SKI: variants seen among roughly 807,000 people sequenced by gnomAD.
The protein encoded by SKI is ski oncogene.
SKI carries 23 observed loss-of-function variants against 59.3 expected under a neutral mutation model. The observed-to-expected ratio is 0.39, with a 90% confidence interval of 0.28 to 0.55. SKI has a LOEUF of 0.55. Among genes scored for constraint, SKI ranks in the 20% least tolerant of loss-of-function variants. SKI has a pLI of 0.67. For synonymous variants in SKI, 673 were observed against 488.6 expected, an observed-to-expected ratio of 1.38 and a Z score of -4.98; for missense variants, 1,017 against 1,038.9, an observed-to-expected ratio of 0.98 and a Z score of 0.29.
rs1396044228 is a variant in SKI at position 2,255,503 on chromosome 1, G to T, written c.969+25768G>T. The stretch of plus-strand genomic sequence containing the variant: ...ACACTGTGTCCTGACCTCATTTCCT[G>T]CCTGGAGCTCTCTGTGTCCTGACCT... On this transcript the variant is annotated intron_variant, in intron 1 of 6. Coordinates refer to ENST00000378536, the MANE Select transcript of SKI (RefSeq NM_003036.4). 2.6e-5 allele frequency among the ~76,000 whole-genome samples: 4 copies of T among 151,686 alleles called. No individual in the cohort carries two copies. In the East Asian group the frequency reaches 7.8e-4, roughly 29 times the overall value.
rs765718637 is a variant in SKI at position 2,229,970 on chromosome 1, G to A, written c.969+235G>A. Among the ~76,000 whole-genome samples, 87 of 152,174 alleles carry A rather than the reference G, an allele frequency of 5.7e-4. 2 individuals carry two copies. The highest frequency in any genetic ancestry group is 1.8e-4 in the Non-Finnish European group (12 of 68,024). On this transcript the variant is annotated intron_variant, in intron 1 of 6. Coordinates refer to ENST00000378536, the MANE Select transcript of SKI (RefSeq NM_003036.4). This position sits in a 1 kb window ranked among gnomAD's most constrained non-coding sequence, Gnocchi z 6.3. ...ACGAGCCTGGAGTGCGGGCTGTGGC[G>A]GTGGGGTGGGGGGCCAGGCCTGGTG...
In SKI at chr1:2,228,935, G is replaced by A; in HGVS notation, c.169G>A (p.Ala57Thr). Residue 57 changes from alanine to threonine, a missense_variant, in exon 1 of 7, where the codon GCG becomes ACG. By Grantham distance (58) the Ala-to-Thr change is moderately conservative. Transcript: ENST00000378536. ...YKKESAKEAG[A>T]AAVPAPVPAA... ...GAAGGAGAGCGCCAAGGAGGCGGGC[G>A]CGGCCGCGGTGCCGGCGCCGGTGCC... 1.4e-6 allele frequency: 2 copies of A among 1,383,432 alleles called. No homozygotes were observed. Among genetic ancestry groups the A allele is most frequent in the Non-Finnish European group, 1.9e-6 (2 of 1,064,822 alleles). 85.7% of individuals were successfully genotyped at this position (1,383,432 alleles called of 1,614,324 possible). A position where few individuals can be genotyped will look rare whatever the true frequency, so the allele number is the denominator to read the frequency against.
chr1:2,283,139 G>C (rs1639947013), intron 1 of SKI, among the ~76,000 whole-genome samples: 1 of 152,228 alleles, frequency 6.6e-6, no homozygotes, highest in Non-Finnish European at 1.5e-5. Context: ...CCTTTGTCGG[G>C]GATCCTGAGA....
At chr1:2,278,495 C>T (rs1639797045) in intron 1 of SKI, among the ~76,000 whole-genome samples, 1 of 152,178 alleles carries the variant, frequency 6.6e-6, no homozygotes, top group Admixed American at 6.5e-5. Flanking sequence ...GGACAGGCTG[C>T]GTGGTGTGCC....
intron 1 of SKI, among the ~76,000 whole-genome samples, chr1:2,260,160 C>G (rs2100836867): frequency 1.3e-5 from 2 of 152,342 alleles, no homozygotes; most frequent in East Asian, 3.9e-4. Flanking sequence ...TGCTCCACGT[C>G]CTGGCCAGCG....
rs531774129 is a variant in SKI, at chr1:2,285,616, G to A, written c.970-17362G>A. 5.0e-3 allele frequency among the ~76,000 whole-genome samples: 762 copies of A among 151,238 alleles called. 10 individuals are homozygous for A. The highest frequency in any genetic ancestry group is 0.017 in the African/African-American group (703 of 41,244). ...ATCTTGCTCTGTCACCCAGGCTGGA[G>A]TGCAGTGGCGTGATCTCAGCTCACT... On this transcript the variant is annotated intron_variant, in intron 1 of 6. Coordinates refer to ENST00000378536, the MANE Select transcript of SKI (RefSeq NM_003036.4).
chr1:2,295,417 C>A (rs1204458851), intron 1 of SKI, among the ~76,000 whole-genome samples: 6 of 152,216 alleles, frequency 3.9e-5, no homozygotes, highest in African/African-American at 1.4e-4. Flanking sequence ...ATTTGCGTAC[C>A]ATAAAATTCT....
At chr1:2,274,827 T>C (rs1158470425) in intron 1 of SKI, among the ~76,000 whole-genome samples, 4 of 152,202 alleles carry the variant, frequency 2.6e-5, no homozygotes, top group East Asian at 1.9e-4. Context: ...TGCCCCTTGC[T>C]GCAGTCATCT....
At position 2,229,845 on chromosome 1, in the gene SKI, C is replaced by T. The variant is rs1048289286; in HGVS notation, c.969+110C>T. 18 of 1,520,980 alleles carry T rather than the reference C, an allele frequency of 1.2e-5. No individual in the cohort carries two copies. The highest frequency in any genetic ancestry group is 4.2e-5 in the African/African-American group (3 of 72,044). 94.2% of individuals were successfully genotyped at this position (1,520,980 alleles called of 1,614,324 possible). A position where few individuals can be genotyped will look rare whatever the true frequency, so the allele number is the denominator to read the frequency against. On this transcript the variant is annotated intron_variant, in intron 1 of 6. Transcript: ENST00000378536. The surrounding 1 kb of genome is among the most constrained non-coding windows in gnomAD (Gnocchi z 6.3). ...CTGGGACCTGTGCTTCTGCCGTGCCCCATGTCTCCAGTCTTCGCTTTGTTT... is the reference window on the plus strand; with the variant it reads ...CTGGGACCTGTGCTTCTGCCGTGCCTCATGTCTCCAGTCTTCGCTTTGTTT...
intron 1 of SKI, among the ~76,000 whole-genome samples, chr1:2,287,389 G>C (rs10910049): frequency 2.0e-5 from 3 of 148,236 alleles, no homozygotes; most frequent in East Asian, 4.0e-4. Flanking sequence ...CAGGCTGGAG[G>C]GCAGTGGCGC....
intron 1 of SKI, among the ~76,000 whole-genome samples, chr1:2,301,679 T>C (rs532923035): frequency 6.6e-6 from 1 of 151,370 alleles, no homozygotes; most frequent in African/African-American, 2.4e-5. Flanking sequence ...TGATGCAGCG[T>C]CTTCTCCTAG....
Position 2,267,760 on chromosome 1 carries a change from C to G in SKI, c.970-35218C>G, listed in dbSNP as rs962898708. 6.6e-6 allele frequency among the ~76,000 whole-genome samples: 1 copy of G among 152,208 alleles called. No homozygotes were observed. The highest frequency in any genetic ancestry group is 1.5e-5 in the Non-Finnish European group (1 of 68,040). Reference sequence around the variant, plus strand: ...GAGGTGTGTGAGGCTGATGCATGGGCCTTTCTACTTCCAGACTGTCCCAGG... The same window carrying G: ...GAGGTGTGTGAGGCTGATGCATGGGGCTTTCTACTTCCAGACTGTCCCAGG... On this transcript the variant is annotated intron_variant, in intron 1 of 6. Coordinates refer to ENST00000378536, the MANE Select transcript of SKI (RefSeq NM_003036.4). This position sits in a 1 kb window ranked among gnomAD's most constrained non-coding sequence, Gnocchi z 4.1.
At chr1:2,239,491 T>G (rs1638820041) in intron 1 of SKI, among the ~76,000 whole-genome samples, 1 of 152,204 alleles carries the variant, frequency 6.6e-6, no homozygotes, top group African/African-American at 2.4e-5. Context: ...GGGAGAACCT[T>G]CATCCCATGT....
intron 1 of SKI, chr1:2,240,539 G>A: frequency 3.0e-6 from 3 of 985,458 alleles, no homozygotes; most frequent in Non-Finnish European, 2.4e-6. Flanking sequence ...CTGCGGGACT[G>A]GGACCGCTGG....
At chr1:2,302,702 C>T (rs1367892491) in intron 1 of SKI, among the ~76,000 whole-genome samples, 2 of 152,166 alleles carry the variant, frequency 1.3e-5, no homozygotes, top group African/African-American at 4.8e-5. Context: ...TGGGTGAGGT[C>T]ACCCGGAATG....
intron 1 of SKI, among the ~76,000 whole-genome samples, chr1:2,239,819 C>T (rs1259511790): frequency 1.3e-5 from 2 of 152,190 alleles, no homozygotes; most frequent in African/African-American, 2.4e-5. Context: ...CCCTCCGGGG[C>T]GTCCCAGTGT....
chr1:2,284,253 C>T (rs1026813367), intron 1 of SKI, among the ~76,000 whole-genome samples: 16 of 152,280 alleles, frequency 1.1e-4, no homozygotes, highest in Admixed American at 3.3e-4. Flanking sequence ...TGCCCTGCCT[C>T]TAGATCCCTG....
At chr1:2,279,357 G>T (rs1194683088) in intron 1 of SKI, among the ~76,000 whole-genome samples, 1 of 152,188 alleles carries the variant, frequency 6.6e-6, no homozygotes, top group Non-Finnish European at 1.5e-5. Context: ...CCCCTCTCGG[G>T]GCATCGCTTC....
At chr1:2,289,576 G>T (rs868257508) in intron 1 of SKI, among the ~76,000 whole-genome samples, 164 of 124,708 alleles carry the variant, frequency 1.3e-3, no homozygotes, top group Middle Eastern at 8.1e-3. Flanking sequence ...AACCAAGATC[G>T]TGGGGGTGGG....
Sources: gnomAD v4.1 joint callset for allele counts (sites outside exome capture counted in the v4.1 genomes callset) on GRCh38, gnomAD v4.1.1 for gene constraint, Gnocchi (gnomAD v3.1) non-coding constraint, MANE v1.5 for transcripts, NCBI Gene and HGNC (gene_info 2026-07-23, HGNC 2026-07-21) for gene names.